The following XPR1 variants were observed in gnomAD, a reference collection of about 807,000 sequenced individuals.
The protein encoded by XPR1 is solute carrier family 53 member 1.
In XPR1, 28 loss-of-function variants were observed where a neutral mutation model predicts 87.5. That is an observed-to-expected ratio of 0.32 (90% CI 0.24 to 0.44). The LOEUF (loss-of-function observed/expected upper bound fraction) is 0.44. Among genes scored for constraint, XPR1 ranks in the 20% least tolerant of loss-of-function variants. XPR1 has a pLI of 1.00. For synonymous variants in XPR1, 300 were observed against 306.1 expected, an observed-to-expected ratio of 0.98 and a Z score of 0.21; for missense variants, 559 against 862.3, an observed-to-expected ratio of 0.65 and a Z score of 4.41.
chr1:180,677,372 A>C (rs995145208), intron 1 of XPR1, among the ~76,000 whole-genome samples: 2 of 152,188 alleles, frequency 1.3e-5, no homozygotes, highest in African/African-American at 2.4e-5. Flanking sequence ...GTTTATAAGG[A>C]TAATTTGGTG....
At position 180,661,792 on chromosome 1, in the gene XPR1, T is replaced by A. The variant is rs1655789266; in HGVS notation, c.70-20568T>A. 4.6e-5 allele frequency among the ~76,000 whole-genome samples: 7 copies of A among 152,062 alleles called. No homozygotes were observed. In the South Asian group the frequency reaches 1.5e-3, roughly 32 times the overall value. ...CAGGAGGCTGCGGCAGGAGAATCGCTTGAACCCAGGAGGTGGAAGTTGCAG... is the reference window on the plus strand; with the variant it reads ...CAGGAGGCTGCGGCAGGAGAATCGCATGAACCCAGGAGGTGGAAGTTGCAG... On this transcript the variant is annotated intron_variant, in intron 1 of 14. Transcript: ENST00000367590.
At chr1:180,706,671 GC>G (rs1657568305) in intron 2 of XPR1, among the ~76,000 whole-genome samples, 1 of 151,998 alleles carries the variant, frequency 6.6e-6, no homozygotes, top group African/African-American at 2.4e-5. Flanking sequence ...GAGTGCAGTG[GC>G]ATGATCTCTG....
intron 6 of XPR1, among the ~76,000 whole-genome samples, chr1:180,807,162 G>A (rs1394439064): frequency 6.6e-6 from 1 of 152,104 alleles, no homozygotes; most frequent in Non-Finnish European, 1.5e-5. Flanking sequence ...CCAAAAAAGG[G>A]TATTCACTTT....
At chr1:180,811,884 T>C (rs1297627710) in intron 7 of XPR1, among the ~76,000 whole-genome samples, 2 of 152,194 alleles carry the variant, frequency 1.3e-5, no homozygotes, top group African/African-American at 4.8e-5. Context: ...TCTCGCATCC[T>C]TTTCAGAATC....
intron 1 of XPR1, among the ~76,000 whole-genome samples, chr1:180,639,798 G>C (rs1654908769): frequency 6.6e-6 from 1 of 152,120 alleles, no homozygotes; most frequent in Admixed American, 6.5e-5. Context: ...GAAGTTTGAA[G>C]ATAGCCTGAA....
rs1385385105 is a variant in XPR1 at position 180,632,085 on chromosome 1, G to C, written c.-117G>C. ...AAGAGACCTCGGCGGCGGCGGAGGAGGAGAGAAGCGCAGCGCCGCGCCGCG... is the reference window on the plus strand; with the variant it reads ...AAGAGACCTCGGCGGCGGCGGAGGACGAGAGAAGCGCAGCGCCGCGCCGCG... On this transcript the variant is annotated 5_prime_UTR_variant, in exon 1 of 15. Transcript: ENST00000367590. The C allele has an allele frequency of 8.3e-5, 105 of 1,262,698 alleles. No homozygotes were observed. Among genetic ancestry groups the C allele is most frequent in the Non-Finnish European group, 1.2e-4 (103 of 886,200 alleles). 78.2% of individuals were successfully genotyped at this position (1,262,698 alleles called of 1,614,324 possible). A position where few individuals can be genotyped will look rare whatever the true frequency, so the allele number is the denominator to read the frequency against.
At chr1:180,660,072 AT>A (rs1369657013) in intron 1 of XPR1, among the ~76,000 whole-genome samples, 1 of 151,650 alleles carries the variant, frequency 6.6e-6, no homozygotes, top group Non-Finnish European at 1.5e-5. Context: ...CAGGTTTTGA[AT>A]TTTTTCATGG....
At chr1:180,757,167 C>G (rs1331062304) in intron 2 of XPR1, among the ~76,000 whole-genome samples, 1 of 152,082 alleles carries the variant, frequency 6.6e-6, no homozygotes, top group Non-Finnish European at 1.5e-5. Context: ...ATTTTAGCAT[C>G]AGCTAAAATT....
intron 2 of XPR1, among the ~76,000 whole-genome samples, chr1:180,776,362 G>A (rs1407302927): frequency 6.6e-6 from 1 of 151,780 alleles, no homozygotes; most frequent in Non-Finnish European, 1.5e-5. Flanking sequence ...ATTAATTCAA[G>A]TAGTTATTGA....
At chr1:180,814,027 T>C (rs1005483121) in intron 7 of XPR1, among the ~76,000 whole-genome samples, 3 of 152,242 alleles carry the variant, frequency 2.0e-5, no homozygotes, top group Non-Finnish European at 2.9e-5. Context: ...GCAGGGACTA[T>C]GTATTGTTGC....
chr1:180,660,937 A>C (rs1487681417), intron 1 of XPR1, among the ~76,000 whole-genome samples: 1 of 152,160 alleles, frequency 6.6e-6, no homozygotes, highest in Non-Finnish European at 1.5e-5. Flanking sequence ...CAGTGCTGAA[A>C]GTGGGGTGTT....
At chr1:180,727,241 G>A (rs1029239096) in intron 2 of XPR1, among the ~76,000 whole-genome samples, 3 of 152,102 alleles carry the variant, frequency 2.0e-5, no homozygotes, top group Non-Finnish European at 1.5e-5. Context: ...TGCCTGAAGC[G>A]GTTATATTGT....
In XPR1 at chr1:180,806,158, G is replaced by A. The variant is rs756965630; in HGVS notation, c.544G>A (p.Val182Met). Residue 182 changes from valine to methionine, a missense_variant, in exon 5 of 15, where the codon GTG becomes ATG. By Grantham distance (21) the Val-to-Met change is conservative. Coordinates refer to ENST00000367590, the MANE Select transcript of XPR1 (RefSeq NM_004736.4). ...AGATTGGCGAGTGGCTCACGTAGAG[G>A]TGGCCCCATTTTATACATGCAAGAA... ...GADWRVAHVE[V>M]APFYTCKKIN... 7 of 1,613,602 alleles carry A rather than the reference G, an allele frequency of 4.3e-6. No individual in the cohort carries two copies. Among genetic ancestry groups the A allele is most frequent in the Non-Finnish European group, 5.9e-6 (7 of 1,179,692 alleles).
chr1:180,840,532 T>TGTG (rs1651466930), intron 11 of XPR1, among the ~76,000 whole-genome samples: 2 of 110,440 alleles, frequency 1.8e-5, no homozygotes, highest in Admixed American at 1.0e-4. Context: ...GTTAACATAT[T>TGTG]TGTGTGTGTG....
At chr1:180,838,089 C>T (rs763911659) in intron 11 of XPR1, among the ~76,000 whole-genome samples, 2 of 152,124 alleles carry the variant, frequency 1.3e-5, no homozygotes, top group African/African-American at 2.4e-5. Flanking sequence ...CTAATAGTTA[C>T]CATTGCCTGG....
rs12076875 is a variant in XPR1 at position 180,863,653 on chromosome 1, A to T, written c.1502-55A>T. 11,937 of 1,472,514 alleles carry T rather than the reference A, an allele frequency of 8.1e-3. 850 individuals are homozygous for T. The African/African-American group carries it at 0.15, about 18-fold the overall frequency. The allele number at this position is 1,472,514 out of a possible 1,614,324, so 91.2% of individuals were successfully genotyped here. ...GTTTTAATTAGTGTTATTAATGAAAAATTTTACTTAAATGTAGTAATTTTC... is the reference window on the plus strand; with the variant it reads ...GTTTTAATTAGTGTTATTAATGAAATATTTTACTTAAATGTAGTAATTTTC... On this transcript the variant is annotated intron_variant, in intron 11 of 14. Coordinates refer to ENST00000367590, the MANE Select transcript of XPR1 (RefSeq NM_004736.4).
chr1:180,852,113 ACT>A (rs1651884338), intron 11 of XPR1, among the ~76,000 whole-genome samples: 1 of 151,982 alleles, frequency 6.6e-6, no homozygotes, highest in African/African-American at 2.4e-5. Context: ...GTGCAATAAT[ACT>A]ATATTATCAG....
intron 2 of XPR1, among the ~76,000 whole-genome samples, chr1:180,685,210 T>G (rs1315777752): frequency 1.3e-5 from 2 of 152,238 alleles, no homozygotes; most frequent in Non-Finnish European, 2.9e-5. Context: ...TGTTGAATTT[T>G]GTCAATGGCC....
chr1:180,710,848 C>G (rs913864362), intron 2 of XPR1, among the ~76,000 whole-genome samples: 1 of 150,904 alleles, frequency 6.6e-6, no homozygotes, highest in Non-Finnish European at 1.5e-5. Flanking sequence ...ACCTCCCTCC[C>G]GAACGGGGCA....
Sources: gnomAD v4.1 joint callset for allele counts (sites outside exome capture counted in the v4.1 genomes callset) on GRCh38, gnomAD v4.1.1 for gene constraint, MANE v1.5 for transcripts, NCBI Gene and HGNC (gene_info 2026-07-23, HGNC 2026-07-21) for gene names.